The following SLC39A11 variants were observed in gnomAD, a reference collection of about 807,000 sequenced individuals.
The protein encoded by SLC39A11 is solute carrier family 39 member 11.
A neutral mutation model predicts 36.1 loss-of-function variants in SLC39A11; 33 were observed. The ratio of observed to expected loss-of-function variants is 0.91; its 90% CI spans 0.69 to 1.22. The LOEUF is 1.22. Ranked by LOEUF, SLC39A11 falls within the 50% of genes most tolerant of loss-of-function variation. The probability of loss-of-function intolerance (pLI) is 0.00; values close to 1 mark genes in which losing one functional copy is unlikely to be tolerated. For synonymous variants in SLC39A11, 166 were observed against 170.3 expected, an observed-to-expected ratio of 0.97 and a Z score of 0.20; for missense variants, 432 against 430.3, an observed-to-expected ratio of 1.00 and a Z score of -0.03.
At chr17:72,819,862 G>A (rs2077706222) in intron 6 of SLC39A11, among the ~76,000 whole-genome samples, 1 of 151,208 alleles carries the variant, frequency 6.6e-6, no homozygotes, top group Non-Finnish European at 1.5e-5. Flanking sequence ...GGAGAGCCCA[G>A]AGACAATGAC....
intron 3 of SLC39A11, chr17:73,072,514 C>G (rs184262402): frequency 6.6e-6 from 1 of 152,176 alleles, no homozygotes; most frequent in Admixed American, 6.5e-5. Context: ...CTTCCTCCCC[C>G]ACACTGTGGA....
intron 6 of SLC39A11, among the ~76,000 whole-genome samples, chr17:72,777,869 A>ATATGCATG (rs1555669317): frequency 6.7e-6 from 1 of 149,956 alleles, no homozygotes; most frequent in Non-Finnish European, 1.5e-5. Context: ...ATGTATGTAT[A>ATATGCATG]TATGTATGTA....
intron 7 of SLC39A11, among the ~76,000 whole-genome samples, chr17:72,723,926 C>T (rs1001102732): frequency 6.6e-5 from 10 of 152,132 alleles, no homozygotes; most frequent in African/African-American, 9.7e-5. Flanking sequence ...CAGGTAACGA[C>T]GGGATTGTAT....
chr17:73,038,194 A>C (rs1229720763), intron 3 of SLC39A11, among the ~76,000 whole-genome samples: 1 of 152,242 alleles, frequency 6.6e-6, no homozygotes, highest in Non-Finnish European at 1.5e-5. Context: ...ATGGTACTCC[A>C]GCCTGAGTGA....
intron 4 of SLC39A11, among the ~76,000 whole-genome samples, chr17:72,973,230 C>T (rs543268909): frequency 4.6e-5 from 7 of 152,030 alleles, no homozygotes; most frequent in South Asian, 2.1e-4. Flanking sequence ...CCTACTGCAG[C>T]GACTTACACA....
rs1479767635 is a variant in SLC39A11 at position 72,662,624 on chromosome 17, AAG to A, written c.672-13358_672-13357del. Among the ~76,000 whole-genome samples, 8 of 147,562 alleles carry A rather than the reference AAG, an allele frequency of 5.4e-5. No individual in the cohort carries two copies. The South Asian group carries it at 6.4e-4, about 12-fold the overall frequency. On this transcript the variant is annotated intron_variant, in intron 7 of 9. Coordinates refer to ENST00000255559, the MANE Select transcript of SLC39A11 (RefSeq NM_139177.4). ...AAAGGAAGGAAGGAAGGAGAGAAGAAAGAGAAGAAAGAGAGAAAGAAAAAGAA... is the reference window on the plus strand; with the variant it reads ...AAAGGAAGGAAGGAAGGAGAGAAGAAAGAAGAAAGAGAGAAAGAAAAAGAA...
intron 6 of SLC39A11, among the ~76,000 whole-genome samples, chr17:72,819,586 G>C (rs2077697941): frequency 6.6e-6 from 1 of 151,232 alleles, no homozygotes; most frequent in African/African-American, 2.4e-5. Context: ...AAGAGCGAGT[G>C]AAGGTGAGCC....
At chr17:73,011,126 G>A (rs996629777) in intron 4 of SLC39A11, among the ~76,000 whole-genome samples, 2 of 152,192 alleles carry the variant, frequency 1.3e-5, no homozygotes, top group African/African-American at 4.8e-5. Flanking sequence ...GGGCCAGGAC[G>A]AGGAAAGTAC....
intron 6 of SLC39A11, among the ~76,000 whole-genome samples, chr17:72,766,388 C>T (rs979540468): frequency 6.6e-6 from 1 of 152,172 alleles, no homozygotes; most frequent in Non-Finnish European, 1.5e-5. Flanking sequence ...GATCTCAGCA[C>T]CTCTCATCTC....
chr17:72,696,867 T>G (rs2072328913), intron 7 of SLC39A11, among the ~76,000 whole-genome samples: 1 of 152,230 alleles, frequency 6.6e-6, no homozygotes, highest in Non-Finnish European at 1.5e-5. Context: ...TTGGCCTGTA[T>G]GATCAGCTTG....
intron 4 of SLC39A11, among the ~76,000 whole-genome samples, chr17:73,012,961 A>C (rs567112280): frequency 3.4e-4 from 52 of 151,986 alleles, no homozygotes; most frequent in African/African-American, 1.2e-3. Context: ...ACCAGGCCTG[A>C]CTAATTTTTA....
intron 5 of SLC39A11, among the ~76,000 whole-genome samples, chr17:72,923,865 C>T (rs1313661653): frequency 6.6e-6 from 1 of 151,984 alleles, no homozygotes; most frequent in Non-Finnish European, 1.5e-5. Context: ...AAAAAATGGG[C>T]CAGACGCAGT....
intron 4 of SLC39A11, among the ~76,000 whole-genome samples, chr17:72,986,300 G>A (rs995701699): frequency 3.9e-5 from 6 of 152,194 alleles, no homozygotes; most frequent in African/African-American, 1.2e-4. Context: ...CCACTAGGGG[G>A]AGATGTTGAG....
At chr17:72,871,397 A>G (rs1226243141) in intron 5 of SLC39A11, among the ~76,000 whole-genome samples, 5 of 152,126 alleles carry the variant, frequency 3.3e-5, no homozygotes, top group Non-Finnish European at 5.9e-5. Flanking sequence ...CTAAGTTTAC[A>G]TGTGTGCGGT....
chr17:72,874,800 G>A (rs973386976), intron 5 of SLC39A11, among the ~76,000 whole-genome samples: 3 of 152,144 alleles, frequency 2.0e-5, no homozygotes, highest in African/African-American at 4.8e-5. Context: ...CCCCTGTCCC[G>A]CTCTAAGAAG....
intron 5 of SLC39A11, among the ~76,000 whole-genome samples, chr17:72,874,450 G>C (rs1339006628): frequency 3.3e-5 from 5 of 152,152 alleles, no homozygotes; most frequent in Non-Finnish European, 7.3e-5. Flanking sequence ...ACAAGAAGCT[G>C]AGGCGTCCAT....
chr17:73,007,815 T>C (rs2090268312), intron 4 of SLC39A11, among the ~76,000 whole-genome samples: 1 of 152,160 alleles, frequency 6.6e-6, no homozygotes, highest in South Asian at 2.1e-4. Flanking sequence ...GAAACATTTG[T>C]GGTTGGGCCA....
intron 7 of SLC39A11, among the ~76,000 whole-genome samples, chr17:72,653,984 C>T (rs2069988542): frequency 6.6e-6 from 1 of 152,150 alleles, no homozygotes; most frequent in Non-Finnish European, 1.5e-5. Context: ...AATCTAGCTA[C>T]AGATGTTTAG....
chr17:73,011,075 G>A (rs1420777844), intron 4 of SLC39A11, among the ~76,000 whole-genome samples: 8 of 96,712 alleles, frequency 8.3e-5, no homozygotes, highest in Non-Finnish European at 1.5e-4. Flanking sequence ...TCAGGCCCCC[G>A]GTACACAGGC....
Sources: allele counts gnomAD v4.1 joint callset (sites outside exome capture counted in the v4.1 genomes callset), GRCh38; gene constraint gnomAD v4.1.1; transcripts MANE v1.5; gene names NCBI Gene and HGNC (gene_info 2026-07-23, HGNC 2026-07-21).